The following KIRREL3 variants were observed in gnomAD, a reference collection of about 807,000 sequenced individuals.
The protein encoded by KIRREL3 is kirre like nephrin family adhesion molecule 3, also known as kin of IRRE-like protein 3.
A neutral mutation model predicts 89.7 loss-of-function variants in KIRREL3; 36 were observed. That is an observed-to-expected ratio of 0.40 (90% CI 0.31 to 0.53). KIRREL3 has a LOEUF of 0.53. KIRREL3 is among the 20% of genes least tolerant of loss of function. The pLI is 0.49. For synonymous variants in KIRREL3, 445 were observed against 441.4 expected (o/e 1.01, Z -0.10); for missense variants, 864 against 1,056.6 (o/e 0.82, Z 2.53).
chr11:126,705,549 C>G lies in KIRREL3; in HGVS notation c.56-142637G>C, dbSNP rs1947496518. 6.6e-6 allele frequency among the ~76,000 whole-genome samples: 1 copy of G among 152,172 alleles called. No individual in the cohort carries two copies. The highest frequency in any genetic ancestry group is 1.5e-5 in the Non-Finnish European group (1 of 68,024). ...AAGCTGAGAAGATACTGGAACCGTG[C>G]TTCCTGTACAGCCTGCAGAACTGTG... On this transcript the variant is annotated intron_variant, in intron 1 of 16. Transcript: ENST00000525144. The surrounding 1 kb of genome is among the most constrained non-coding windows in gnomAD (Gnocchi z 4.3).
Position 126,612,213 on chromosome 11 carries a change from A to G in KIRREL3, c.56-49301T>C, listed in dbSNP as rs1943161563. ...ATAAGTGCTCCCTCAGAATTTGAGT[A>G]TTATATGGACACCCTTGGCATATAA... On this transcript the variant is annotated intron_variant, in intron 1 of 16. Transcript: ENST00000525144. The surrounding 1 kb of genome is among the most constrained non-coding windows in gnomAD (Gnocchi z 4.5). Among the ~76,000 whole-genome samples the G allele has an allele frequency of 1.3e-5, 2 of 152,310 alleles. No individual in the cohort carries two copies. The highest frequency in any genetic ancestry group is 4.2e-4 in the South Asian group (2 of 4,812).
intron 1 of KIRREL3, among the ~76,000 whole-genome samples, chr11:126,804,098 C>T (rs1305747222): frequency 6.6e-6 from 1 of 152,210 alleles, no homozygotes; most frequent in African/African-American, 2.4e-5. Context: ...GTGTTTCAGA[C>T]ACTCTGGCTG....
chr11:126,978,136 T>C lies in KIRREL3; in HGVS notation c.55+22319A>G, dbSNP rs1949631621. ...TGGTCAGCACATTGTGGCGTTGGAT[T>C]TTTCTGCTACTTAAATTTATGATGA... On this transcript the variant is annotated intron_variant, in intron 1 of 16. Transcript: ENST00000525144. This position sits in a 1 kb window ranked among gnomAD's most constrained non-coding sequence, Gnocchi z 4.2. 6.6e-6 allele frequency among the ~76,000 whole-genome samples: 1 copy of C among 152,138 alleles called. No individual in the cohort carries two copies. Among genetic ancestry groups the C allele is most frequent in the Non-Finnish European group, 1.5e-5 (1 of 68,014 alleles).
At chr11:126,440,718 G>A (rs936420222) in intron 10 of KIRREL3, 169 bp from the exon 11 acceptor site, 26 of 671,334 alleles carry the variant, frequency 3.9e-5, no homozygotes, top group Non-Finnish European at 6.2e-5. Context: ...AGATAAATTA[G>A]GCATTCAGTC....
rs1002698402 is a variant in KIRREL3 at position 126,570,238 on chromosome 11, T to C, written c.56-7326A>G. 1.3e-5 allele frequency among the ~76,000 whole-genome samples: 2 copies of C among 152,216 alleles called. No individual in the cohort carries two copies. The highest frequency in any genetic ancestry group is 4.8e-5 in the African/African-American group (2 of 41,452). On this transcript the variant is annotated intron_variant, in intron 1 of 16. Transcript: ENST00000525144. The surrounding 1 kb of genome is among the most constrained non-coding windows in gnomAD (Gnocchi z 6.1). ...ACTTTACGTTGTTGTAAAGACATAA[T>C]TGCTTCTTCATTGCTTATTTCATAT...
Position 126,978,720 on chromosome 11 carries a change from C to T in KIRREL3, c.55+21735G>A, listed in dbSNP as rs1949645483. ...ATGTCCACTCTGCCCTGGAGCTTTG[C>T]TTCATGGTGGGAGTTTCTCTGAGCT... On this transcript the variant is annotated intron_variant, in intron 1 of 16. Coordinates refer to ENST00000525144, the MANE Select transcript of KIRREL3 (RefSeq NM_032531.4). This position sits in a 1 kb window ranked among gnomAD's most constrained non-coding sequence, Gnocchi z 4.2. 6.6e-6 allele frequency among the ~76,000 whole-genome samples: 1 copy of T among 152,156 alleles called. No homozygotes were observed.
intron 1 of KIRREL3, among the ~76,000 whole-genome samples, chr11:126,979,115 C>T (rs896788402): frequency 9.2e-5 from 14 of 152,164 alleles, no homozygotes; most frequent in African/African-American, 3.1e-4. Context: ...ACAAAAGACC[C>T]GTCTATAACC....
chr11:126,916,514 GA>G (rs1384211689), intron 1 of KIRREL3, among the ~76,000 whole-genome samples: 14 of 151,934 alleles, frequency 9.2e-5, no homozygotes, highest in African/African-American at 1.9e-4. Context: ...GAATATGAGG[GA>G]GAGAGAAAGA....
chr11:126,882,940 G>C (rs918019131), intron 1 of KIRREL3, among the ~76,000 whole-genome samples: 1 of 152,186 alleles, frequency 6.6e-6, no homozygotes, highest in Non-Finnish European at 1.5e-5. Context: ...CTGTGCAGTA[G>C]AGACAACAGG....
Position 126,424,868 on chromosome 11 carries a change from G to T in KIRREL3, c.2049C>A (p.Ser683Arg). The T allele has an allele frequency of 7.4e-6, 12 of 1,613,774 alleles. No homozygotes were observed. Among genetic ancestry groups the T allele is most frequent in the Non-Finnish European group, 1.0e-5 (12 of 1,179,696 alleles). ...MSFTNIYSTLSGQGRLYDYGQ... is the reference protein window; with the variant it reads ...MSFTNIYSTLRGQGRLYDYGQ... ...CGTAGTCGTAGAGGCGGCCCTGGCC[G>T]CTCAGGGTGCTGTAGATGTTGGTGA... The change falls in exon 17 of 17, where the codon AGC (serine) becomes AGA (arginine). Residue 683 changes from serine (S) to arginine (R), a missense_variant. Coordinates refer to ENST00000525144, the MANE Select transcript of KIRREL3 (RefSeq NM_032531.4).
intron 4 of KIRREL3, among the ~76,000 whole-genome samples, chr11:126,514,807 G>T (rs932920376): frequency 2.7e-5 from 4 of 149,186 alleles, no homozygotes; most frequent in African/African-American, 7.5e-5. Context: ...TAGCCACATT[G>T]CCTCTCCAAC....
chr11:126,509,550 T>C (rs1036030798), intron 4 of KIRREL3, among the ~76,000 whole-genome samples: 7 of 152,262 alleles, frequency 4.6e-5, no homozygotes, highest in Admixed American at 3.3e-4. Flanking sequence ...ATTCTGTGTG[T>C]GTTCATAAAT....
rs1940920550 is a variant in KIRREL3 at position 126,571,360 on chromosome 11, A to G, written c.56-8448T>C. 6.6e-6 allele frequency among the ~76,000 whole-genome samples: 1 copy of G among 152,086 alleles called. No individual in the cohort carries two copies. The highest frequency in any genetic ancestry group is 1.5e-5 in the Non-Finnish European group (1 of 68,014). The stretch of plus-strand genomic sequence containing the variant: ...ATGGGACCCAAGGTTGGCAGAGCTC[A>G]CCCCACTCCTCTGTACACTGAAAGT... On this transcript the variant is annotated intron_variant, in intron 1 of 16. Coordinates refer to ENST00000525144, the MANE Select transcript of KIRREL3 (RefSeq NM_032531.4). This position sits in a 1 kb window ranked among gnomAD's most constrained non-coding sequence, Gnocchi z 7.7.
At chr11:126,770,470 T>G (rs555106972) in intron 1 of KIRREL3, among the ~76,000 whole-genome samples, 12 of 152,296 alleles carry the variant, frequency 7.9e-5, no homozygotes, top group African/African-American at 2.9e-4. Context: ...ACCAGGGGAT[T>G]CTGAATAGAT....
At position 126,475,492 on chromosome 11, in the gene KIRREL3, A is replaced by G. The variant is rs1000539529; in HGVS notation, c.434-2026T>C. On this transcript the variant is annotated intron_variant, in intron 4 of 16. Coordinates refer to ENST00000525144, the MANE Select transcript of KIRREL3 (RefSeq NM_032531.4). This position sits in a 1 kb window ranked among gnomAD's most constrained non-coding sequence, Gnocchi z 7.5. Reference sequence around the variant, plus strand: ...CCCACACTAACAGCACAGCAGTGCCATTTCCTGAGGAACAAGCAACCTCCC... The same window carrying G: ...CCCACACTAACAGCACAGCAGTGCCGTTTCCTGAGGAACAAGCAACCTCCC... Among the ~76,000 whole-genome samples, 1 of 152,080 alleles carries G rather than the reference A, an allele frequency of 6.6e-6. No homozygotes were observed. Among genetic ancestry groups the G allele is most frequent in the Non-Finnish European group, 1.5e-5 (1 of 67,994 alleles).
chr11:126,624,852 G>C lies in KIRREL3; in HGVS notation c.56-61940C>G, dbSNP rs12278674. ...CCCGTTGGATACTGACCCAGGGCTT[G>C]GGGAGATAGCCTGCACTTTCTCCAG... On this transcript the variant is annotated intron_variant, in intron 1 of 16. Coordinates refer to ENST00000525144, the MANE Select transcript of KIRREL3 (RefSeq NM_032531.4). The surrounding 1 kb of genome is among the most constrained non-coding windows in gnomAD (Gnocchi z 6.0). Among the ~76,000 whole-genome samples the C allele has an allele frequency of 0.024, 3,593 of 152,222 alleles. 40 individuals carry two copies. Among genetic ancestry groups the C allele is most frequent in the Middle Eastern group, 0.088 (26 of 294 alleles).
chr11:126,854,193 C>CT (rs1160357013), intron 1 of KIRREL3, among the ~76,000 whole-genome samples: 1 of 328 alleles, frequency 3.0e-3, no homozygotes, highest in Non-Finnish European at 8.5e-3. Context: ...TTCTATTTTT[C>CT]TCTTAATAGT....
In KIRREL3 at chr11:126,905,080, T is replaced by G. The variant is rs1305461432; in HGVS notation, c.55+95375A>C. Among the ~76,000 whole-genome samples the G allele has an allele frequency of 6.6e-6, 1 of 152,116 alleles. No homozygotes were observed. Among genetic ancestry groups the G allele is most frequent in the African/African-American group, 2.4e-5 (1 of 41,424 alleles). On this transcript the variant is annotated intron_variant, in intron 1 of 16. Coordinates refer to ENST00000525144, the MANE Select transcript of KIRREL3 (RefSeq NM_032531.4). This position sits in a 1 kb window ranked among gnomAD's most constrained non-coding sequence, Gnocchi z 5.0. Reference sequence around the variant, plus strand: ...CCCTGGTTTGGCAAAAAGGGCGACATGATGGTTGGTGTCTATGAAGACAGC... The same window carrying G: ...CCCTGGTTTGGCAAAAAGGGCGACAGGATGGTTGGTGTCTATGAAGACAGC...
In KIRREL3 at chr11:126,795,752, T is replaced by A. The variant is rs906246567; in HGVS notation, c.55+204703A>T. On this transcript the variant is annotated intron_variant, in intron 1 of 16. Coordinates refer to ENST00000525144, the MANE Select transcript of KIRREL3 (RefSeq NM_032531.4). This position sits in a 1 kb window ranked among gnomAD's most constrained non-coding sequence, Gnocchi z 4.1. Reference sequence around the variant, plus strand: ...GTAAACCTAAAAATCCTCAAAAAAATGAAGTTTTTTAATTAAAAAGAATTA... The same window carrying A: ...GTAAACCTAAAAATCCTCAAAAAAAAGAAGTTTTTTAATTAAAAAGAATTA... Among the ~76,000 whole-genome samples the A allele has an allele frequency of 6.6e-6, 1 of 152,144 alleles. No individual in the cohort carries two copies. The highest frequency in any genetic ancestry group is 1.5e-5 in the Non-Finnish European group (1 of 68,036).
Sources: gnomAD v4.1 joint callset for allele counts (sites outside exome capture counted in the v4.1 genomes callset) on GRCh38, gnomAD v4.1.1 for gene constraint, Gnocchi (gnomAD v3.1) non-coding constraint, MANE v1.5 for transcripts, NCBI Gene and HGNC (gene_info 2026-07-23, HGNC 2026-07-21) for gene names.